Variants in ABCA3 observed in about 807,000 individuals in gnomAD.
The protein encoded by ABCA3 is phospholipid-transporting ATPase ABCA3.
Under a neutral mutation model 172.8 loss-of-function variants are expected in ABCA3, and 88 were observed. That is an observed-to-expected ratio of 0.51 (90% CI 0.43 to 0.61). ABCA3 has a LOEUF of 0.61. ABCA3 is among the 20% of genes least tolerant of loss of function. The pLI is 0.00. For missense variants in ABCA3, 2,164 were observed against 2,301.0 expected, an observed-to-expected ratio of 0.94 and a Z score of 1.22; for synonymous variants, 1,066 against 983.8, an observed-to-expected ratio of 1.08 and a Z score of -1.56.
In ABCA3 at chr16:2,276,222, C is replaced by T. The variant is rs2093646088; in HGVS notation, c.*452G>A. 2.3e-6 allele frequency: 1 copy of T among 440,720 alleles called. No individual in the cohort carries two copies. The highest frequency in any genetic ancestry group is 4.6e-6 in the Non-Finnish European group (1 of 218,092). 27.3% of individuals were successfully genotyped at this position (440,720 alleles called of 1,614,324 possible). On this transcript the variant is annotated 3_prime_UTR_variant, in exon 33 of 33. Coordinates refer to ENST00000301732, the MANE Select transcript of ABCA3 (RefSeq NM_001089.3). ...TGACAGTGATCTGCATGGTCCATTC[C>T]TGGCGGCCTGGGGGCCTCGCTACAG... is the stretch of plus-strand genomic sequence containing the variant.
At position 2,281,114 on chromosome 16, in the gene ABCA3, C is replaced by T. The variant is rs771766048; in HGVS notation, c.4272G>A (p.Thr1424=). The change falls in exon 28 of 33, where the codon ACG becomes ACA. Residue 1424 remains threonine, a synonymous_variant. Coordinates refer to ENST00000301732, the MANE Select transcript of ABCA3 (RefSeq NM_001089.3). This position sits in a 1 kb window ranked among gnomAD's most constrained non-coding sequence, Gnocchi z 4.7. ...LLGFNGAGKT[T]TFKMLTGEES... ...CCTCCCCGGTCAGCATTTTGAAAGT[C>T]GTGGTCTTCCCGGCTCCATTGAAGC... The T allele has an allele frequency of 1.1e-5, 18 of 1,613,992 alleles. No individual in the cohort carries two copies. The highest frequency in any genetic ancestry group is 3.3e-4 in the Middle Eastern group (2 of 6,062).
intron 1 of ABCA3, among the ~76,000 whole-genome samples, chr16:2,338,666 C>T (rs941498281): frequency 6.6e-6 from 1 of 151,558 alleles, no homozygotes; most frequent in African/African-American, 2.4e-5. Flanking sequence ...CTTGTTCTGT[C>T]TTATGTCACA....
intron 10 of ABCA3, among the ~76,000 whole-genome samples, chr16:2,310,000 T>C (rs923515584): frequency 6.6e-6 from 1 of 152,048 alleles, no homozygotes. Context: ...ATGTGGGTTA[T>C]ATATATATAT....
At position 2,295,816 on chromosome 16, in the gene ABCA3, G is replaced by C. The variant is rs945383605; in HGVS notation, c.2264-76C>G. The C allele has an allele frequency of 3.9e-5, 62 of 1,598,120 alleles. No individual in the cohort carries two copies. In the African/African-American group the frequency reaches 7.8e-4, roughly 20 times the overall value. ...TCATGCCCACCCCGGGGTCTCTAGG[G>C]CTCACACCAGGCAAGCTGGTGGGAA... is the stretch of plus-strand genomic sequence containing the variant. On this transcript the variant is annotated intron_variant, in intron 17 of 32. Coordinates refer to ENST00000301732, the MANE Select transcript of ABCA3 (RefSeq NM_001089.3).
rs752906697 is a variant in ABCA3 at position 2,328,550 on chromosome 16, G to A, written c.-124C>T. ...TCTGAAAACTGAGTGTAAAGAGGGCGAGGTGTGCAGACGTGGCTGCTCTGT... is the reference window on the plus strand; with the variant it reads ...TCTGAAAACTGAGTGTAAAGAGGGCAAGGTGTGCAGACGTGGCTGCTCTGT... On this transcript the variant is annotated 5_prime_UTR_variant, in exon 3 of 33. Coordinates refer to ENST00000301732, the MANE Select transcript of ABCA3 (RefSeq NM_001089.3). 3.5e-5 allele frequency: 18 copies of A among 515,788 alleles called. No homozygotes were observed. The East Asian group carries it at 7.1e-4, about 20-fold the overall frequency. 32.0% of individuals were successfully genotyped at this position (515,788 alleles called of 1,614,324 possible). A position where few individuals can be genotyped will look rare whatever the true frequency, so the allele number is the denominator to read the frequency against.
intron 1 of ABCA3, chr16:2,332,333 A>G: frequency 1.4e-6 from 1 of 731,352 alleles, no homozygotes; most frequent in East Asian, 2.5e-5. Context: ...GATTTCTAGT[A>G]GCGAGCACAG....
At chr16:2,336,875 G>A (rs903453769) in intron 1 of ABCA3, among the ~76,000 whole-genome samples, 35 of 151,650 alleles carry the variant, frequency 2.3e-4, no homozygotes, top group Admixed American at 1.8e-3. Flanking sequence ...TTCATATGTT[G>A]GATAAATTTA....
chr16:2,292,107 G>C (rs749610026), intron 19 of ABCA3, 33 bp downstream of exon 19: 2 of 1,550,050 alleles, frequency 1.3e-6, no homozygotes, highest in Admixed American at 1.7e-5. Flanking sequence ...ACGGAGCCCA[G>C]TCCTAGGTGG....
chr16:2,278,868 T>A lies in ABCA3; in HGVS notation c.4547+75A>T. ...GAGCTCTGGCTGCTGACCTGAGCGG[T>A]CACTCCCAGCTCTATGCTATGGGGA... On this transcript the variant is annotated intron_variant, in intron 29 of 32. Coordinates refer to ENST00000301732, the MANE Select transcript of ABCA3 (RefSeq NM_001089.3). This position sits in a 1 kb window ranked among gnomAD's most constrained non-coding sequence, Gnocchi z 4.4. The A allele has an allele frequency of 3.1e-6, 5 of 1,597,750 alleles. No homozygotes were observed. Among genetic ancestry groups the A allele is most frequent in the Non-Finnish European group, 4.3e-6 (5 of 1,169,950 alleles).
At chr16:2,306,248 C>A (rs2093697403) in intron 11 of ABCA3, among the ~76,000 whole-genome samples, 1 of 152,002 alleles carries the variant, frequency 6.6e-6, no homozygotes, top group African/African-American at 2.4e-5. Context: ...TCACTTGAGC[C>A]TGGGAGGTCG....
chr16:2,290,208 T>C (rs2093669917), intron 19 of ABCA3, among the ~76,000 whole-genome samples: 1 of 152,168 alleles, frequency 6.6e-6, no homozygotes, highest in East Asian at 1.9e-4. Context: ...TCTCCCTCAC[T>C]GGATTCTCCC....
intron 10 of ABCA3, among the ~76,000 whole-genome samples, chr16:2,313,905 A>T (rs957902623): frequency 1.3e-5 from 2 of 151,714 alleles, no homozygotes; most frequent in African/African-American, 4.8e-5. Context: ...AAAAAAAAAA[A>T]GTAATTAACA....
At chr16:2,332,813 G>GC (rs1891163504) in intron 1 of ABCA3, 7 of 615,526 alleles carry the variant, frequency 1.1e-5, no homozygotes, top group Admixed American at 6.0e-5. Flanking sequence ...ATTCCTATGT[G>GC]CCCTTTTTTT....
chr16:2,284,235 G>A lies in ABCA3; in HGVS notation c.3862+44C>T. 6.3e-7 allele frequency: 1 copy of A among 1,596,004 alleles called. No individual in the cohort carries two copies. On this transcript the variant is annotated intron_variant, in intron 25 of 32. Transcript: ENST00000301732. This position sits in a 1 kb window ranked among gnomAD's most constrained non-coding sequence, Gnocchi z 5.9. ...GGCCCCTCTGCAGTGACCACGTCCTGAGGACGCAGGGGTGCTGCCCGGGGT... is the reference window on the plus strand; with the variant it reads ...GGCCCCTCTGCAGTGACCACGTCCTAAGGACGCAGGGGTGCTGCCCGGGGT...
At chr16:2,316,207 C>T (rs1201763748) in intron 10 of ABCA3, among the ~76,000 whole-genome samples, 1 of 142,618 alleles carries the variant, frequency 7.0e-6, no homozygotes, top group Non-Finnish European at 1.5e-5. Context: ...ACTCAGAAGG[C>T]TGAGGCTGGA....
In ABCA3 at chr16:2,326,421, T is replaced by C. The variant is rs778818945; in HGVS notation, c.46A>G (p.Thr16Ala). 1 of 1,612,536 alleles carries C rather than the reference T, an allele frequency of 6.2e-7. No individual in the cohort carries two copies. The highest frequency in any genetic ancestry group is 1.7e-5 in the Admixed American group (1 of 59,796). The change falls in exon 4 of 33, where the codon ACC (threonine) becomes GCC (alanine). Residue 16 changes from threonine (T) to alanine (A), a missense_variant. This residue lies in a region of ABCA3 where 1,343 missense variants were observed against 1,369.6 expected (regional missense o/e 0.98). Coordinates refer to ENST00000301732, the MANE Select transcript of ABCA3 (RefSeq NM_001089.3). Reference sequence around the variant, plus strand: ...CCAGAGTCTGGACGCACCTGCAGGGTGTAGTTCTTCCAGAGGAGGAGCGCC... The same window carrying C: ...CCAGAGTCTGGACGCACCTGCAGGGCGTAGTTCTTCCAGAGGAGGAGCGCC... ...QLALLLWKNYTLQKRKVLVTV... is the reference protein window; with the variant it reads ...QLALLLWKNYALQKRKVLVTV...
Position 2,284,800 on chromosome 16 carries a change from C to G in ABCA3, c.3682G>C (p.Val1228Leu). ...ILSGIATFLM[V>L]TIMRIPAVKL... ...CCACCTGGGATGCGCATGATGGTGACCATCAGGAAGGTGGCGATGCCTGAC... is the reference window on the plus strand; with the variant it reads ...CCACCTGGGATGCGCATGATGGTGAGCATCAGGAAGGTGGCGATGCCTGAC... The change falls in exon 24 of 33, where the codon GTC becomes CTC. Residue 1228 changes from valine to leucine, a missense_variant. Physicochemically the swap from Val to Leu is conservative, Grantham distance 32. Transcript: ENST00000301732. The surrounding 1 kb of genome is among the most constrained non-coding windows in gnomAD (Gnocchi z 5.9). The G allele has an allele frequency of 6.2e-7, 1 of 1,613,752 alleles. No homozygotes were observed. Among genetic ancestry groups the G allele is most frequent in the Non-Finnish European group, 8.5e-7 (1 of 1,179,942 alleles).
At chr16:2,299,950 G>T in intron 13 of ABCA3, 55 bp downstream of exon 13, 46 of 1,606,544 alleles carry the variant, frequency 2.9e-5, no homozygotes, top group Non-Finnish European at 3.8e-5. Context: ...GTGCTGGTAA[G>T]TCTTCCCATG....
intron 10 of ABCA3, among the ~76,000 whole-genome samples, chr16:2,310,042 G>C (rs151110326): frequency 3.9e-5 from 6 of 152,096 alleles, no homozygotes; most frequent in African/African-American, 1.4e-4. Context: ...TTAATACTAA[G>C]AACATTTAAA....
Sources: gnomAD v4.1 joint callset for allele counts (sites outside exome capture counted in the v4.1 genomes callset) on GRCh38, gnomAD v4.1.1 for gene constraint, gnomAD v4.1.1 regional missense constraint, Gnocchi (gnomAD v3.1) non-coding constraint, MANE v1.5 for transcripts, NCBI Gene and HGNC (gene_info 2026-07-23, HGNC 2026-07-21) for gene names.